The following TMEM181 variants were observed in gnomAD, a reference collection of about 807,000 sequenced individuals.
The protein encoded by TMEM181 is G protein-coupled receptor 178.
Under a neutral mutation model 71.9 loss-of-function variants are expected in TMEM181, and 39 were observed. The observed-to-expected ratio is 0.54, with a 90% CI of 0.42 to 0.71. The LOEUF (loss-of-function observed/expected upper bound fraction) is 0.71. TMEM181 is among the 30% of genes least tolerant of loss of function. The pLI is 0.00. For synonymous variants in TMEM181, 245 were observed against 228.8 expected, an observed-to-expected ratio of 1.07 and a Z score of -0.64; for missense variants, 595 against 583.0, an observed-to-expected ratio of 1.02 and a Z score of -0.21.
rs1786746618 is a variant in TMEM181 at position 158,633,044 on chromosome 6, G to C, written c.*1156G>C. The C allele has an allele frequency of 6.6e-6, 1 of 152,238 alleles. No homozygotes were observed. The highest frequency in any genetic ancestry group is 1.5e-5 in the Non-Finnish European group (1 of 68,056). 9.4% of individuals were successfully genotyped at this position (152,238 alleles called of 1,614,324 possible). A position where few individuals can be genotyped will look rare whatever the true frequency, so the allele number is the denominator to read the frequency against. ...TGATTGCACCACTGCACTCCAGCCT[G>C]GGTGTCAGAGCGAGAACCCGTGTCA... On this transcript the variant is annotated 3_prime_UTR_variant, in exon 17 of 17. Transcript: ENST00000684151.
At chr6:158,600,458 A>ATTTTTTTTTTTTTTTTTT (rs61457107) in intron 6 of TMEM181, among the ~76,000 whole-genome samples, 1 of 91,854 alleles carries the variant, frequency 1.1e-5, no homozygotes, top group Non-Finnish European at 2.2e-5. Flanking sequence ...CCTAGGGTTA[A>ATTTTTTTTTTTTTTTTTT]TTTTTTTTTT....
chr6:158,580,677 T>C (rs1238749600), intron 2 of TMEM181, among the ~76,000 whole-genome samples: 1 of 152,188 alleles, frequency 6.6e-6, no homozygotes, highest in Admixed American at 6.5e-5. Context: ...GCAGGGTGTT[T>C]CCTGTGGAAA....
chr6:158,537,592 G>T (rs1022553743), intron 1 of TMEM181, among the ~76,000 whole-genome samples: 1 of 152,194 alleles, frequency 6.6e-6, no homozygotes, highest in Non-Finnish European at 1.5e-5. Context: ...CACCGCCAAT[G>T]GCCGATTTAC....
At chr6:158,610,939 C>G in intron 10 of TMEM181, 4 of 420,362 alleles carry the variant, frequency 9.5e-6, no homozygotes, top group South Asian at 8.5e-5. Flanking sequence ...ACGGGTTCCT[C>G]CTGAGAGAAT....
intron 14 of TMEM181, 127 bp from the exon 15 acceptor site, chr6:158,629,603 A>AC: frequency 2.7e-6 from 2 of 734,826 alleles, no homozygotes; most frequent in Middle Eastern, 3.4e-4. Context: ...TGGGTAATGG[A>AC]CCCCCGGGCA....
chr6:158,618,199 T>C (rs944434507), intron 10 of TMEM181, among the ~76,000 whole-genome samples: 2 of 152,254 alleles, frequency 1.3e-5, no homozygotes, highest in Non-Finnish European at 2.9e-5. Context: ...TAGTTAGCTC[T>C]TCTTGTTGCA....
chr6:158,629,654 G>A lies in TMEM181; in HGVS notation c.1193-76G>A. 3 of 1,268,926 alleles carry A rather than the reference G, an allele frequency of 2.4e-6. No individual in the cohort carries two copies. The Admixed American group carries it at 6.7e-5, about 28-fold the overall frequency. The allele number at this position is 1,268,926 out of a possible 1,614,324, so 78.6% of individuals were successfully genotyped here. A position where few individuals can be genotyped will look rare whatever the true frequency, so the allele number is the denominator to read the frequency against. On this transcript the variant is annotated intron_variant, in intron 14 of 16. Coordinates refer to ENST00000684151, the MANE Select transcript of TMEM181 (RefSeq NM_001376852.1). ...CACTAGAAGGGGCTGCTGATGGCGGGAGGAGTGGTCGGGCTGTAGGCAGAG... is the reference window on the plus strand; with the variant it reads ...CACTAGAAGGGGCTGCTGATGGCGGAAGGAGTGGTCGGGCTGTAGGCAGAG...
rs747122739 is a variant in TMEM181, at chr6:158,580,936, T to G, written c.113-4T>G. The G allele has an allele frequency of 1.1e-5, 18 of 1,602,620 alleles. No individual in the cohort carries two copies. The South Asian group carries it at 2.0e-4, about 18-fold the overall frequency. ...TGCTTTTGTCCTTTTCTGTTACACTTTAGGACCTAAAGTGATCCAGACTTC... is the reference window on the plus strand; with the variant it reads ...TGCTTTTGTCCTTTTCTGTTACACTGTAGGACCTAAAGTGATCCAGACTTC... On this transcript the variant is annotated splice_polypyrimidine_tract_variant and splice_region_variant and intron_variant, in intron 2 of 16. Transcript: ENST00000684151.
chr6:158,626,627 G>A (rs1449150505), intron 13 of TMEM181: 2 of 454,044 alleles, frequency 4.4e-6, no homozygotes, highest in South Asian at 1.6e-5. Flanking sequence ...ACTTGGACTT[G>A]AACTCAAATT....
intron 5 of TMEM181, among the ~76,000 whole-genome samples, chr6:158,589,411 C>T (rs910164541): frequency 5.9e-5 from 9 of 152,276 alleles, no homozygotes; most frequent in African/African-American, 1.9e-4. Flanking sequence ...CTTTCTTACA[C>T]GGTGACTTAT....
chr6:158,585,141 C>T (rs1380026547), intron 4 of TMEM181, among the ~76,000 whole-genome samples, 163 bp from the exon 5 acceptor site: 1 of 152,206 alleles, frequency 6.6e-6, no homozygotes, highest in African/African-American at 2.4e-5. Flanking sequence ...AAGGCTTTTA[C>T]TTTGCTGGGC....
chr6:158,606,066 CTG>C (rs201438225), intron 7 of TMEM181, among the ~76,000 whole-genome samples: 3,641 of 152,292 alleles, frequency 0.024, 74 homozygotes, highest in Non-Finnish European at 0.034. Context: ...TTCAGAGTAA[CTG>C]TGCATGGAAG....
chr6:158,585,214 G>C, intron 4 of TMEM181, 90 bp from the exon 5 acceptor site: 1 of 1,413,842 alleles, frequency 7.1e-7, no homozygotes, highest in Non-Finnish European at 9.4e-7. Context: ...CGTTTTCCTG[G>C]CTCCAAGGTC....
At chr6:158,569,739 T>A (rs1019251225) in intron 1 of TMEM181, among the ~76,000 whole-genome samples, 3 of 152,254 alleles carry the variant, frequency 2.0e-5, no homozygotes, top group Non-Finnish European at 4.4e-5. Flanking sequence ...TAGCTGGGAT[T>A]ATAGGCATGT....
Position 158,625,737 on chromosome 6 carries a change from C to T in TMEM181, c.1092C>T (p.Phe364=), listed in dbSNP as rs377410212. 118 of 1,610,796 alleles carry T rather than the reference C, an allele frequency of 7.3e-5. No homozygotes were observed. Among genetic ancestry groups the T allele is most frequent in the Middle Eastern group, 1.6e-4 (1 of 6,076 alleles). ...LRLKFLTALT[F]VVLVISIAIL... is the part of the protein sequence containing the mutation. The stretch of plus-strand genomic sequence containing the variant: ...TGAAATTTTTGACTGCATTGACTTT[C>T]GTAGTACTTGTCATTAGGTAAGAAG... Residue 364 remains phenylalanine (F), a synonymous_variant, in exon 13 of 17, where the codon TTC becomes TTT. Transcript: ENST00000684151.
intron 2 of TMEM181, among the ~76,000 whole-genome samples, chr6:158,576,787 G>A (rs969653990): frequency 6.6e-6 from 1 of 152,084 alleles, no homozygotes; most frequent in African/African-American, 2.4e-5. Flanking sequence ...AGGCGGCCGG[G>A]CGTGGTGGCT....
chr6:158,611,286 C>T, intron 10 of TMEM181: 2 of 497,800 alleles, frequency 4.0e-6, no homozygotes, highest in East Asian at 5.8e-5. Flanking sequence ...GTCCTTCACT[C>T]CTAGCTGGTC....
At chr6:158,560,269 T>C in intron 1 of TMEM181, 37 bp downstream of exon 1, 1 of 985,028 alleles carries the variant, frequency 1.0e-6, no homozygotes, top group Non-Finnish European at 1.2e-6. Flanking sequence ...TGGCTGGCTC[T>C]CCGGACACTC....
chr6:158,571,825 C>T (rs1490249829), intron 1 of TMEM181, among the ~76,000 whole-genome samples: 1 of 152,218 alleles, frequency 6.6e-6, no homozygotes, highest in Admixed American at 6.5e-5. Context: ...ATCTTGGGCA[C>T]ATGCACTCTC....
Sources: gnomAD v4.1 joint callset for allele counts (sites outside exome capture counted in the v4.1 genomes callset) on GRCh38, gnomAD v4.1.1 for gene constraint, MANE v1.5 for transcripts, NCBI Gene and HGNC (gene_info 2026-07-23, HGNC 2026-07-21) for gene names.